CYP24A1: variants seen among roughly 807,000 people sequenced by gnomAD.
CYP24A1 encodes the protein 1,25-dihydroxyvitamin D(3) 24-hydroxylase, mitochondrial.
In CYP24A1, 68 loss-of-function variants were observed where a neutral mutation model predicts 62.4. The observed-to-expected ratio is 1.09, with a 90% CI of 0.90 to 1.33. CYP24A1 has a LOEUF of 1.33. CYP24A1 is among the 40% of genes most tolerant of loss of function. The pLI, the probability that CYP24A1 is intolerant of heterozygous loss-of-function variation, is 0.00. For missense variants in CYP24A1, 787 were observed against 653.0 expected, an observed-to-expected ratio of 1.21 and a Z score of -2.24; for synonymous variants, 267 against 253.0, an observed-to-expected ratio of 1.06 and a Z score of -0.52.
intron 4 of CYP24A1, among the ~76,000 whole-genome samples, chr20:54,166,868 CAA>C (rs1223178106): frequency 5.3e-5 from 8 of 151,746 alleles, no homozygotes; most frequent in Non-Finnish European, 8.8e-5. Flanking sequence ...GCTGTCTCTA[CAA>C]AAAAATAAAA....
At position 54,162,741 on chromosome 20, in the gene CYP24A1, C is replaced by T. The variant is rs1162701518; in HGVS notation, c.966G>A (p.Glu322=). ...SKKELYAAVT[E]LQLAAVETTA... is the part of the protein sequence containing the mutation. Reference sequence around the variant, plus strand: ...CCGTTTCCACCGCAGCCAGCTGGAGCTCTGTGACAGCAGCATACAATTCTT... The same window carrying T: ...CCGTTTCCACCGCAGCCAGCTGGAGTTCTGTGACAGCAGCATACAATTCTT... The change falls in exon 7 of 12, where the codon GAG becomes GAA. Residue 322 remains glutamate, a synonymous_variant. Transcript: ENST00000216862. 4 of 1,602,780 alleles carry T rather than the reference C, an allele frequency of 2.5e-6. No individual in the cohort carries two copies. Among genetic ancestry groups the T allele is most frequent in the South Asian group, 1.1e-5 (1 of 90,866 alleles).
intron 7 of CYP24A1, 80 bp downstream of exon 7, chr20:54,162,637 A>G (rs2092656848): frequency 1.1e-6 from 1 of 881,292 alleles, no homozygotes. Context: ...AATGAATGAG[A>G]TGAATTACTA....
At chr20:54,146,418 C>T in the CYP24A1 span, among the ~76,000 whole-genome samples, 1 of 152,112 alleles carries the variant, frequency 6.6e-6, no homozygotes, top group Non-Finnish European at 1.5e-5. Context: ...TTGGCACAAT[C>T]CAGAGGACCG....
At chr20:54,159,998 T>C (rs1388164843) in intron 7 of CYP24A1, among the ~76,000 whole-genome samples, 2 of 152,206 alleles carry the variant, frequency 1.3e-5, no homozygotes, top group East Asian at 3.8e-4. Context: ...CTCAGGGTGT[T>C]GCTAATGAGA....
At chr20:54,143,726 A>C in the CYP24A1 span, among the ~76,000 whole-genome samples, 5 of 151,740 alleles carry the variant, frequency 3.3e-5, no homozygotes, top group African/African-American at 9.7e-5. Context: ...AATAGAAGTA[A>C]AAAAAAATAG....
intron 9 of CYP24A1, 115 bp downstream of exon 9, chr20:54,157,971 T>C: frequency 6.5e-7 from 1 of 1,527,478 alleles, no homozygotes; most frequent in African/African-American, 1.4e-5. Flanking sequence ...CTCTACCATC[T>C]CTGCATTCCC....
intron 6 of CYP24A1, 48 bp downstream of exon 6, chr20:54,164,404 C>T (rs186004232): frequency 2.1e-5 from 34 of 1,613,504 alleles, no homozygotes; most frequent in South Asian, 7.7e-5. Flanking sequence ...GCTCCAGACA[C>T]GGGGGTGCTG....
the CYP24A1 span, among the ~76,000 whole-genome samples, chr20:54,145,285 TAAA>T: frequency 1.3e-4 from 19 of 143,366 alleles, no homozygotes; most frequent in Admixed American, 2.1e-4. Flanking sequence ...AGCTCTAAGT[TAAA>T]AAAAAAAAAA....
chr20:54,173,156 C>G lies in CYP24A1; in HGVS notation c.259-57G>C. On this transcript the variant is annotated intron_variant, in intron 1 of 11. Coordinates refer to ENST00000216862, the MANE Select transcript of CYP24A1 (RefSeq NM_000782.5). This position sits in a 1 kb window ranked among gnomAD's most constrained non-coding sequence, Gnocchi z 7.2. ...CGCGCATCCTCCGCCGTGCCCGAAG[C>G]GCTTTCCCTCCTCCCGCCTCCTTCC... 2 of 1,582,482 alleles carry G rather than the reference C, an allele frequency of 1.3e-6. No individual in the cohort carries two copies. The highest frequency in any genetic ancestry group is 1.7e-6 in the Non-Finnish European group (2 of 1,162,902).
Position 54,164,473 on chromosome 20 carries a change from A to C in CYP24A1, c.823T>G (p.Trp275Gly). ...TKVWQDHTLA[W>G]DTIFKSVKAC... ...TTACCTGATTTGAAAATGGTGTCCC[A>C]GGCCAGAGTGTGGTCCTGCCAGACC... The change falls in exon 6 of 12, where the codon TGG (tryptophan) becomes GGG (glycine). Residue 275 changes from tryptophan to glycine, a missense_variant. Physicochemically the swap from Trp to Gly is radical, Grantham distance 184 (BLOSUM62 -2). Coordinates refer to ENST00000216862, the MANE Select transcript of CYP24A1 (RefSeq NM_000782.5). The C allele has an allele frequency of 6.2e-7, 1 of 1,614,178 alleles. No homozygotes were observed.
At chr20:54,151,353 G>A (rs559392104), downstream of CYP24A1, among the ~76,000 whole-genome samples, 5 of 152,166 alleles carry the variant, frequency 3.3e-5, no homozygotes, top group South Asian at 1.0e-3. Flanking sequence ...GAGTCTTCTT[G>A]GGACTGATGG....
chr20:54,157,658 T>A (rs2092634368), intron 9 of CYP24A1, 73 bp from the exon 10 acceptor site: 2 of 906,996 alleles, frequency 2.2e-6, no homozygotes, highest in African/African-American at 3.3e-5. Context: ...TTGACACAAG[T>A]TGTCACCTTA....
chr20:54,167,377 C>T (rs1176157439), intron 4 of CYP24A1, among the ~76,000 whole-genome samples: 2 of 152,236 alleles, frequency 1.3e-5, no homozygotes, highest in African/African-American at 4.8e-5. Context: ...CACAATGGCT[C>T]ATGCTTGTAA....
At chr20:54,155,146 C>T (rs1265078802) in intron 11 of CYP24A1, among the ~76,000 whole-genome samples, 1 of 152,096 alleles carries the variant, frequency 6.6e-6, no homozygotes, top group Non-Finnish European at 1.5e-5. Context: ...TTTCCTTACC[C>T]TACTTGATTC....
rs886056791 is a variant in CYP24A1, at chr20:54,173,629, G to A, written c.-50C>T. 1.4e-5 allele frequency: 20 copies of A among 1,442,240 alleles called. No homozygotes were observed. Among genetic ancestry groups the A allele is most frequent in the Non-Finnish European group, 1.9e-5 (20 of 1,059,720 alleles). 89.3% of individuals were successfully genotyped at this position (1,442,240 alleles called of 1,614,324 possible). On this transcript the variant is annotated 5_prime_UTR_variant, in exon 1 of 12. Coordinates refer to ENST00000216862, the MANE Select transcript of CYP24A1 (RefSeq NM_000782.5). This position sits in a 1 kb window ranked among gnomAD's most constrained non-coding sequence, Gnocchi z 7.2. ...GGAAGGCAGGAGGATGGGGTGGGGC[G>A]AGGTTGGTACGAGGTGCTAGTGGGA...
intron 7 of CYP24A1, among the ~76,000 whole-genome samples, chr20:54,159,667 G>C (rs1000176915): frequency 2.6e-5 from 4 of 152,166 alleles, no homozygotes; most frequent in South Asian, 2.1e-4. Context: ...GGGATTACAG[G>C]CATGAGCCAA....
At chr20:54,156,173 AAC>A (rs2092627289) in intron 11 of CYP24A1, among the ~76,000 whole-genome samples, 1 of 152,222 alleles carries the variant, frequency 6.6e-6, no homozygotes, top group African/African-American at 2.4e-5. Context: ...AATTTATCAG[AAC>A]ACAGCCTTTG....
rs1008348448 is a variant in CYP24A1 at position 54,153,949 on chromosome 20, G to A, written c.*823C>T. ...GTCACACTGAATGTTTTTAAGCTGT[G>A]ACTAAACTTTGAAACATTGCCCTGC... is the stretch of plus-strand genomic sequence containing the variant. On this transcript the variant is annotated 3_prime_UTR_variant, in exon 12 of 12. Coordinates refer to ENST00000216862, the MANE Select transcript of CYP24A1 (RefSeq NM_000782.5). 6.6e-6 allele frequency: 1 copy of A among 152,138 alleles called. No individual in the cohort carries two copies. Among genetic ancestry groups the A allele is most frequent in the Non-Finnish European group, 1.5e-5 (1 of 68,018 alleles). The allele number at this position is 152,138 out of a possible 1,614,324, so 9.4% of individuals were successfully genotyped here.
intron 4 of CYP24A1, among the ~76,000 whole-genome samples, chr20:54,168,536 A>T (rs2092680530): frequency 6.6e-6 from 1 of 151,846 alleles, no homozygotes; most frequent in Non-Finnish European, 1.5e-5. Context: ...TGGCATTTGC[A>T]CTTTCTTCTC....
Sources: gnomAD v4.1 joint callset for allele counts (sites outside exome capture counted in the v4.1 genomes callset) on GRCh38, gnomAD v4.1.1 for gene constraint, Gnocchi (gnomAD v3.1) non-coding constraint, MANE v1.5 for transcripts, NCBI Gene and HGNC (gene_info 2026-07-23, HGNC 2026-07-21) for gene names.